Variants in RSPO2 observed in about 807,000 individuals in gnomAD.
RSPO2 encodes R-spondin 2.
A neutral mutation model predicts 30.9 loss-of-function variants in RSPO2; 14 were observed. The observed-to-expected ratio is 0.45, with a 90% CI of 0.30 to 0.71. The LOEUF is 0.71. RSPO2 is among the 30% of genes least tolerant of loss of function. The pLI is 0.08. For missense variants in RSPO2, 264 were observed against 301.9 expected (o/e 0.87, Z 0.93); for synonymous variants, 107 against 96.4 (o/e 1.11, Z -0.64).
At chr8:108,069,957 C>T (rs1424011243) in intron 2 of RSPO2, among the ~76,000 whole-genome samples, 1 of 152,116 alleles carries the variant, frequency 6.6e-6, no homozygotes, top group African/African-American at 2.4e-5. Flanking sequence ...TTAAAGAAAG[C>T]AAAATATCTG....
intron 2 of RSPO2, among the ~76,000 whole-genome samples, chr8:108,051,570 G>A (rs1189184811): frequency 6.6e-6 from 1 of 152,146 alleles, no homozygotes; most frequent in African/African-American, 2.4e-5. Flanking sequence ...AGAAGACTCA[G>A]GGTCTTATCA....
At chr8:107,973,257 G>A (rs573578755) in intron 3 of RSPO2, among the ~76,000 whole-genome samples, 18 of 146,980 alleles carry the variant, frequency 1.2e-4, no homozygotes, top group South Asian at 2.2e-4. Context: ...GCAACACAGC[G>A]AGACTCCATC....
At chr8:107,987,163 C>A (rs1814672885) in intron 3 of RSPO2, among the ~76,000 whole-genome samples, 1 of 152,258 alleles carries the variant, frequency 6.6e-6, no homozygotes, top group East Asian at 1.9e-4. Flanking sequence ...TTAGCTCTGT[C>A]CAGTTAGTTA....
intron 5 of RSPO2, among the ~76,000 whole-genome samples, chr8:107,912,550 G>A (rs1248500585): frequency 6.6e-6 from 1 of 152,182 alleles, no homozygotes; most frequent in South Asian, 2.1e-4. Context: ...CATCTCTCCT[G>A]TGGACATATT....
At chr8:108,054,517 G>A (rs1812179741) in intron 2 of RSPO2, among the ~76,000 whole-genome samples, 2 of 152,142 alleles carry the variant, frequency 1.3e-5, no homozygotes, top group African/African-American at 4.8e-5. Context: ...CAGGCCCACA[G>A]CCACCCCTAA....
chr8:107,983,449 C>T lies in RSPO2; in HGVS notation c.283+5607G>A. ...ACCCTCTGTAGAGGATGCAGAGGGCCAGAGTCCCCTTTCTCAGAAGTACAG... is the reference window on the plus strand; with the variant it reads ...ACCCTCTGTAGAGGATGCAGAGGGCTAGAGTCCCCTTTCTCAGAAGTACAG... On this transcript the variant is annotated intron_variant, in intron 3 of 5. Transcript: ENST00000276659. 8.1e-6 allele frequency: 13 copies of T among 1,598,246 alleles called. No homozygotes were observed. The South Asian group carries it at 1.4e-4, about 18-fold the overall frequency.
At chr8:107,926,352 G>T (rs1812370222) in intron 5 of RSPO2, among the ~76,000 whole-genome samples, 1 of 151,992 alleles carries the variant, frequency 6.6e-6, no homozygotes, top group South Asian at 2.1e-4. Context: ...TCTGTAGGTT[G>T]CCTGTTCACT....
At chr8:107,964,677 A>G (rs1813739492) in intron 3 of RSPO2, among the ~76,000 whole-genome samples, 2 of 152,082 alleles carry the variant, frequency 1.3e-5, no homozygotes, top group South Asian at 4.1e-4. Flanking sequence ...CCATTTCTCC[A>G]GGAGGTAACT....
At chr8:108,017,387 A>G (rs967921592) in intron 2 of RSPO2, among the ~76,000 whole-genome samples, 1 of 152,204 alleles carries the variant, frequency 6.6e-6, no homozygotes, top group Admixed American at 6.5e-5. Context: ...CCAACTATTC[A>G]TCCCTGCAAA....
intron 5 of RSPO2, among the ~76,000 whole-genome samples, chr8:107,922,054 C>A (rs1379474743): frequency 6.6e-6 from 1 of 152,074 alleles, no homozygotes; most frequent in African/African-American, 2.4e-5. Flanking sequence ...ACAAGGATGT[C>A]CTCTCTCACC....
chr8:107,990,685 C>T (rs907226663), intron 2 of RSPO2, among the ~76,000 whole-genome samples: 3 of 152,054 alleles, frequency 2.0e-5, no homozygotes, highest in Admixed American at 2.0e-4. Context: ...ACATTTTTCA[C>T]AGAACTGGAA....
intron 2 of RSPO2, among the ~76,000 whole-genome samples, chr8:108,073,558 A>G (rs1269716036): frequency 6.6e-6 from 1 of 152,244 alleles, no homozygotes; most frequent in African/African-American, 2.4e-5. Context: ...AGTCAGATCA[A>G]TGCCAGCACC....
intron 2 of RSPO2, among the ~76,000 whole-genome samples, chr8:108,020,767 T>C (rs1811038139): frequency 6.6e-6 from 1 of 152,210 alleles, no homozygotes; most frequent in African/African-American, 2.4e-5. Flanking sequence ...AAGACTTCCC[T>C]GATACTCTAA....
chr8:107,945,921 C>T (rs1186923367), intron 5 of RSPO2, among the ~76,000 whole-genome samples: 1 of 152,162 alleles, frequency 6.6e-6, no homozygotes, highest in Non-Finnish European at 1.5e-5. Flanking sequence ...ATTACACTGT[C>T]GATGAGGTGA....
intron 2 of RSPO2, among the ~76,000 whole-genome samples, chr8:107,991,778 T>A (rs963636166): frequency 5.3e-5 from 8 of 152,082 alleles, no homozygotes; most frequent in Non-Finnish European, 1.0e-4. Flanking sequence ...AACAATCATA[T>A]GAAAAAACTC....
chr8:107,943,896 T>C (rs1812975958), intron 5 of RSPO2, among the ~76,000 whole-genome samples: 2 of 152,174 alleles, frequency 1.3e-5, no homozygotes, highest in Non-Finnish European at 2.9e-5. Context: ...TCCACAGGTT[T>C]TGACGTAAGA....
intron 3 of RSPO2, among the ~76,000 whole-genome samples, chr8:107,987,084 T>C (rs896509836): frequency 1.3e-5 from 2 of 152,158 alleles, no homozygotes; most frequent in Non-Finnish European, 2.9e-5. Context: ...TATTTCTAAC[T>C]CTGCTAACGA....
At chr8:107,961,256 A>G (rs911717331) in intron 3 of RSPO2, among the ~76,000 whole-genome samples, 1 of 152,166 alleles carries the variant, frequency 6.6e-6, no homozygotes, top group Non-Finnish European at 1.5e-5. Flanking sequence ...AAATGTTTTA[A>G]AATGCATGGT....
chr8:107,997,346 T>C (rs994922392), intron 2 of RSPO2: 3 of 152,872 alleles, frequency 2.0e-5, no homozygotes, highest in African/African-American at 7.2e-5. Context: ...AATTCAAGTG[T>C]GCAGGTGGAT....
Sources: gnomAD v4.1 joint callset for allele counts (sites outside exome capture counted in the v4.1 genomes callset) on GRCh38, gnomAD v4.1.1 for gene constraint, MANE v1.5 for transcripts, NCBI Gene and HGNC (gene_info 2026-07-23, HGNC 2026-07-21) for gene names.